The following SLX4IP variants were observed in gnomAD, a reference collection of about 807,000 sequenced individuals.
SLX4IP encodes the protein SLX4 interacting protein.
In SLX4IP, 34 loss-of-function variants were observed where a neutral mutation model predicts 32.9. That is an observed-to-expected ratio of 1.03 (90% CI 0.79 to 1.38). SLX4IP has a LOEUF of 1.38. Ranked by LOEUF, SLX4IP falls within the 40% of genes most tolerant of loss-of-function variation. SLX4IP has a pLI of 0.00. For synonymous variants in SLX4IP, 172 were observed against 171.7 expected, an observed-to-expected ratio of 1.00 and a Z score of -0.01; for missense variants, 444 against 479.0, an observed-to-expected ratio of 0.93 and a Z score of 0.68.
intron 2 of SLX4IP, among the ~76,000 whole-genome samples, chr20:10,473,207 T>G (rs111479010): frequency 2.6e-5 from 4 of 152,184 alleles, no homozygotes; most frequent in African/African-American, 9.7e-5. Flanking sequence ...CCAGGCCTGA[T>G]AGGTGAGACT....
rs551199173 is a variant in SLX4IP, at chr20:10,581,708, G to A, written c.239-16967G>A. 2.0e-5 allele frequency among the ~76,000 whole-genome samples: 3 copies of A among 152,140 alleles called. No homozygotes were observed. In the South Asian group the frequency reaches 6.2e-4, roughly 32 times the overall value. On this transcript the variant is annotated intron_variant, in intron 4 of 7. Coordinates refer to ENST00000334534, the MANE Select transcript of SLX4IP (RefSeq NM_001009608.3). Reference sequence around the variant, plus strand: ...AGGCAGGAAGATCATTTGAGAGCAGGAGTTCAAGACCAGCCTGGGCAACAT... The same window carrying A: ...AGGCAGGAAGATCATTTGAGAGCAGAAGTTCAAGACCAGCCTGGGCAACAT...
chr20:10,439,686 A>G (rs989723333), intron 1 of SLX4IP, among the ~76,000 whole-genome samples: 8 of 152,210 alleles, frequency 5.3e-5, no homozygotes, highest in African/African-American at 1.7e-4. Context: ...AAATGTGTGC[A>G]TTGACTTTTA....
intron 4 of SLX4IP, among the ~76,000 whole-genome samples, chr20:10,564,047 G>T (rs2066361404): frequency 6.6e-6 from 1 of 152,162 alleles, no homozygotes; most frequent in Admixed American, 6.5e-5. Context: ...TCGACCACAG[G>T]ATTGATTTTC....
chr20:10,438,272 T>C (rs2065131766), intron 1 of SLX4IP, among the ~76,000 whole-genome samples: 1 of 151,890 alleles, frequency 6.6e-6, no homozygotes, highest in Non-Finnish European at 1.5e-5. Context: ...ATAACTGTTA[T>C]ACAGTTAATG....
chr20:10,458,124 A>C, intron 1 of SLX4IP, 52 bp from the exon 2 acceptor site: 1 of 1,219,184 alleles, frequency 8.2e-7, no homozygotes, highest in Non-Finnish European at 1.1e-6. Flanking sequence ...TATAATATCC[A>C]AATAAAAAGA....
intron 2 of SLX4IP, among the ~76,000 whole-genome samples, chr20:10,508,341 A>G (rs557740195): frequency 1.3e-5 from 2 of 152,358 alleles, no homozygotes; most frequent in South Asian, 4.1e-4. Context: ...TTCCTGTAGC[A>G]TGATTTGTCC....
chr20:10,441,476 A>C (rs976069299), intron 1 of SLX4IP, among the ~76,000 whole-genome samples: 1 of 152,112 alleles, frequency 6.6e-6, no homozygotes, highest in Non-Finnish European at 1.5e-5. Context: ...AATTTTGCCT[A>C]TTAGTAAAGC....
chr20:10,588,503 A>G (rs1265756338), intron 4 of SLX4IP, among the ~76,000 whole-genome samples: 1 of 152,200 alleles, frequency 6.6e-6, no homozygotes, highest in Admixed American at 6.5e-5. Context: ...ACGTCTGGGT[A>G]TATATACAAA....
At chr20:10,613,802 A>C (rs56077622) in intron 6 of SLX4IP, 4 of 1,612,928 alleles carry the variant, frequency 2.5e-6, no homozygotes, top group Non-Finnish European at 3.4e-6. Flanking sequence ...GATCCATGTC[A>C]CCCTTGAAGT....
intron 2 of SLX4IP, among the ~76,000 whole-genome samples, chr20:10,508,681 C>T (rs144081199): frequency 2.2e-4 from 33 of 152,314 alleles, no homozygotes; most frequent in African/African-American, 7.7e-4. Flanking sequence ...CCTGCTTTTG[C>T]TAACTTTACT....
At chr20:10,580,499 C>CT (rs71186104) in intron 4 of SLX4IP, among the ~76,000 whole-genome samples, 69,838 of 134,740 alleles carry the variant, frequency 0.52, 18,437 homozygotes, top group South Asian at 0.68. Flanking sequence ...TAGACTTACC[C>CT]TTTTTTTTTT....
At chr20:10,576,142 A>G (rs1007165096) in intron 4 of SLX4IP, among the ~76,000 whole-genome samples, 3 of 152,196 alleles carry the variant, frequency 2.0e-5, no homozygotes, top group Non-Finnish European at 4.4e-5. Context: ...ACAATTGTGA[A>G]GTTTTATGGT....
intron 4 of SLX4IP, among the ~76,000 whole-genome samples, chr20:10,569,175 A>AT (rs555310488): frequency 0.21 from 26,893 of 129,862 alleles, 2,898 homozygotes; most frequent in Non-Finnish European, 0.23. Context: ...CCAGATCTAG[A>AT]TTTTTTTTTT....
intron 5 of SLX4IP, 52 bp downstream of exon 5, chr20:10,598,804 CTAGA>C (rs1568763254): frequency 5.1e-6 from 8 of 1,561,306 alleles, no homozygotes; most frequent in East Asian, 2.2e-5. Context: ...TCTGCTTGCC[CTAGA>C]TAGAGAAGGG....
intron 2 of SLX4IP, among the ~76,000 whole-genome samples, chr20:10,527,837 G>A (rs2065952257): frequency 6.6e-6 from 1 of 152,116 alleles, no homozygotes; most frequent in Non-Finnish European, 1.5e-5. Flanking sequence ...AAAAAAGATT[G>A]ACGCACATTT....
At chr20:10,599,147 A>T (rs965493312) in intron 5 of SLX4IP, among the ~76,000 whole-genome samples, 4 of 152,134 alleles carry the variant, frequency 2.6e-5, no homozygotes, top group Admixed American at 2.0e-4. Flanking sequence ...TGATGAGGCC[A>T]CTTTCCCCCA....
chr20:10,477,509 C>T (rs538367069), intron 2 of SLX4IP, among the ~76,000 whole-genome samples: 3 of 152,100 alleles, frequency 2.0e-5, no homozygotes, highest in Non-Finnish European at 4.4e-5. Flanking sequence ...TCAGGTGATC[C>T]GCTTGCCTCT....
At chr20:10,566,725 C>T (rs1229669197) in intron 4 of SLX4IP, among the ~76,000 whole-genome samples, 1 of 152,160 alleles carries the variant, frequency 6.6e-6, no homozygotes, top group Non-Finnish European at 1.5e-5. Context: ...TTGAGCTGTG[C>T]TTGATTGTTT....
In SLX4IP at chr20:10,598,682, C is replaced by T. The variant is rs144609115; in HGVS notation, c.246C>T (p.Gly82=). 8.1e-6 allele frequency: 13 copies of T among 1,614,000 alleles called. No individual in the cohort carries two copies. Among genetic ancestry groups the T allele is most frequent in the Admixed American group, 3.3e-5 (2 of 59,992 alleles). Residue 82 remains glycine, a synonymous_variant, in exon 5 of 8, where the codon GGC becomes GGT. Coordinates refer to ENST00000334534, the MANE Select transcript of SLX4IP (RefSeq NM_001009608.3). Reference sequence around the variant, plus strand: ...TTCCCTTTCACTTTCCAGGTTATGGCTTTCAAATCACAGCCTATTTCCTCA... The same window carrying T: ...TTCCCTTTCACTTTCCAGGTTATGGTTTTCAAATCACAGCCTATTTCCTCA... ...RSNPLSLKGY[G]FQITAYFLKR... is the part of the protein sequence containing the mutation.
Sources: gnomAD v4.1 joint callset for allele counts (sites outside exome capture counted in the v4.1 genomes callset) on GRCh38, gnomAD v4.1.1 for gene constraint, MANE v1.5 for transcripts, NCBI Gene and HGNC (gene_info 2026-07-23, HGNC 2026-07-21) for gene names.